DAB2: variants seen among roughly 807,000 people sequenced by gnomAD.
DAB2 encodes the protein DAB adaptor protein 2.
Under a neutral mutation model 71.6 loss-of-function variants are expected in DAB2, and 28 were observed. The ratio of observed to expected loss-of-function variants is 0.39; its 90% CI spans 0.29 to 0.54. DAB2 has a LOEUF of 0.54. DAB2 is among the 20% of genes least tolerant of loss of function. DAB2 has a pLI of 0.68. For missense variants in DAB2, 867 were observed against 928.8 expected (o/e 0.93, Z 0.86); for synonymous variants, 345 against 339.7 (o/e 1.02, Z -0.17).
chr5:39,378,372 G>A (rs1052276135), intron 11 of DAB2, among the ~76,000 whole-genome samples: 6 of 152,250 alleles, frequency 3.9e-5, no homozygotes, highest in Admixed American at 6.5e-5. Context: ...AGTGGGTGAT[G>A]CTTCGCTCTT....
intron 2 of DAB2, 82 bp from the exon 3 acceptor site, chr5:39,393,475 T>G: frequency 7.1e-7 from 1 of 1,401,294 alleles, no homozygotes; most frequent in South Asian, 1.3e-5. Context: ...AAAATTTAAG[T>G]AATATAAATC....
rs1032389855 is a variant in DAB2 at position 39,389,101 on chromosome 5, A to G, written c.566T>C (p.Val189Ala). 2.5e-6 allele frequency: 4 copies of G among 1,613,128 alleles called. No homozygotes were observed. In the African/African-American group the frequency reaches 5.3e-5, roughly 22 times the overall value. The change falls in exon 7 of 15, where the codon GTT becomes GCT. Residue 189 changes from valine to alanine, a missense_variant. This residue lies in a region of DAB2 where 740 missense variants were observed against 734.3 expected (regional missense o/e 1.01). Coordinates refer to ENST00000320816, the MANE Select transcript of DAB2 (RefSeq NM_001343.4). ...KKKIEEASKA[V>A]ENGSEALMIL... is the part of the protein sequence containing the mutation. ...GAAGTAAAGATGCAATTTTACCTCA[A>G]CTGCTTTGCTGGCTTCCTCTATCTA... is the stretch of plus-strand genomic sequence containing the variant.
At chr5:39,404,342 T>C (rs1042071938) in intron 1 of DAB2, among the ~76,000 whole-genome samples, 1 of 149,320 alleles carries the variant, frequency 6.7e-6, no homozygotes, top group African/African-American at 2.5e-5. Context: ...CATGTATACA[T>C]ACGTAACTAA....
chr5:39,380,496 C>G (rs1156620972), intron 11 of DAB2, among the ~76,000 whole-genome samples: 2 of 152,146 alleles, frequency 1.3e-5, no homozygotes, highest in Non-Finnish European at 2.9e-5. Context: ...CAGTCCTCCA[C>G]CTCCCAAGCC....
chr5:39,382,546 G>A, intron 10 of DAB2, 72 bp downstream of exon 10: 1 of 1,443,692 alleles, frequency 6.9e-7, no homozygotes, highest in Non-Finnish European at 9.5e-7. Context: ...GCAGGAAAGA[G>A]AGCTTGCATC....
At chr5:39,400,176 T>A (rs182709507) in intron 1 of DAB2, among the ~76,000 whole-genome samples, 150 of 152,162 alleles carry the variant, frequency 9.9e-4, no homozygotes, top group Admixed American at 3.1e-3. Context: ...AAACACCTAG[T>A]ATACCAACCA....
At chr5:39,415,803 G>C (rs897507176) in intron 1 of DAB2, among the ~76,000 whole-genome samples, 1 of 152,114 alleles carries the variant, frequency 6.6e-6, no homozygotes, top group African/African-American at 2.4e-5. Context: ...ACATGGTTGT[G>C]CCCACTGTTT....
intron 1 of DAB2, among the ~76,000 whole-genome samples, chr5:39,405,415 G>A (rs978860094): frequency 1.3e-5 from 2 of 152,188 alleles, no homozygotes; most frequent in East Asian, 1.9e-4. Context: ...CTTCTACAAA[G>A]GAAAGGAAGT....
chr5:39,382,491 T>C (rs1256734620), intron 10 of DAB2, 127 bp downstream of exon 10: 2 of 1,058,952 alleles, frequency 1.9e-6, no homozygotes, highest in Non-Finnish European at 2.7e-6. Flanking sequence ...CAAAGTGCCT[T>C]ATCCCACCTT....
Position 39,376,780 on chromosome 5 carries a change from C to T in DAB2, c.2007G>A (p.Arg669=). 6.2e-7 allele frequency: 1 copy of T among 1,614,144 alleles called. No individual in the cohort carries two copies. The highest frequency in any genetic ancestry group is 2.2e-5 in the East Asian group (1 of 44,870). ...TCCCAGAAGAAGTCTGCTCTCCCTT[C>T]CGCGCGGGCACAGCAGGTGGCTGCC... ...QLRQPPAVPA[R]KGEQTSSGTL... is the part of the protein sequence containing the mutation. The change falls in exon 12 of 15, where the codon CGG becomes CGA. Residue 669 remains arginine (R), a synonymous_variant. Coordinates refer to ENST00000320816, the MANE Select transcript of DAB2 (RefSeq NM_001343.4).
intron 1 of DAB2, among the ~76,000 whole-genome samples, chr5:39,412,888 C>T (rs139395186): frequency 2.7e-3 from 405 of 152,220 alleles, no homozygotes; most frequent in Non-Finnish European, 4.9e-3. Context: ...ACTGGGGCAA[C>T]GTGCATAGCC....
intron 1 of DAB2, among the ~76,000 whole-genome samples, chr5:39,400,807 A>C (rs1755479647): frequency 6.6e-6 from 1 of 152,212 alleles, no homozygotes; most frequent in African/African-American, 2.4e-5. Context: ...ACTCAAGAAG[A>C]AAGCAACATA....
chr5:39,405,784 G>C (rs1170720441), intron 1 of DAB2, among the ~76,000 whole-genome samples: 1 of 152,192 alleles, frequency 6.6e-6, no homozygotes, highest in African/African-American at 2.4e-5. Flanking sequence ...GTGATGTAGG[G>C]AAGAGAGATT....
rs879823448 is a variant in DAB2, at chr5:39,402,576, C to T, written c.-101-8155G>A. Among the ~76,000 whole-genome samples the T allele has an allele frequency of 3.9e-4, 59 of 152,164 alleles. 2 individuals carry two copies. The highest frequency in any genetic ancestry group is 7.9e-4 in the Admixed American group (12 of 15,274). On this transcript the variant is annotated intron_variant, in intron 1 of 14. Transcript: ENST00000320816. ...AGATTACAGGCATCAGCCACCACAC[C>T]TGGCCAATTTTTTGTATTTTTAGTA... is the stretch of plus-strand genomic sequence containing the variant.
Position 39,379,543 on chromosome 5 carries a change from CA to C in DAB2, c.1504+1910del, listed in dbSNP as rs1754909455. 3.9e-5 allele frequency among the ~76,000 whole-genome samples: 6 copies of C among 151,920 alleles called. No homozygotes were observed. The South Asian group carries it at 1.2e-3, about 32-fold the overall frequency. ...TATACCAGTCTTCATTCCTACCCAC[CA>C]AATCCCCACATTGTGTTTTAACACA... On this transcript the variant is annotated intron_variant, in intron 11 of 14. Transcript: ENST00000320816.
chr5:39,402,158 T>A (rs1311322668), intron 1 of DAB2, among the ~76,000 whole-genome samples: 10 of 152,054 alleles, frequency 6.6e-5, no homozygotes, highest in Non-Finnish European at 1.3e-4. Flanking sequence ...CATGATTCAA[T>A]TACCTCCCAC....
chr5:39,385,698 T>C (rs995122352), intron 9 of DAB2, among the ~76,000 whole-genome samples: 12 of 152,186 alleles, frequency 7.9e-5, no homozygotes, highest in African/African-American at 1.9e-4. Context: ...CTGAGTTCCA[T>C]AGCCTAGCTC....
At chr5:39,410,826 A>C (rs1389300248) in intron 1 of DAB2, among the ~76,000 whole-genome samples, 1 of 151,590 alleles carries the variant, frequency 6.6e-6, no homozygotes, top group Non-Finnish European at 1.5e-5. Context: ...ACTATGAATT[A>C]TATTGTTTTC....
chr5:39,381,662 AGTG>A (rs1754984394), intron 10 of DAB2, 46 bp from the exon 11 acceptor site: 2 of 1,603,840 alleles, frequency 1.2e-6, no homozygotes, highest in African/African-American at 2.7e-5. Flanking sequence ...ACTCACTAAC[AGTG>A]AAATACAGCC....
Sources: gnomAD v4.1 joint callset for allele counts (sites outside exome capture counted in the v4.1 genomes callset) on GRCh38, gnomAD v4.1.1 for gene constraint, gnomAD v4.1.1 regional missense constraint, MANE v1.5 for transcripts, NCBI Gene and HGNC (gene_info 2026-07-23, HGNC 2026-07-21) for gene names.